PSRC1: variants seen among roughly 807,000 people sequenced by gnomAD.
PSRC1 encodes the protein proline and serine rich coiled-coil 1.
In PSRC1, 30 loss-of-function variants were observed where a neutral mutation model predicts 31.9. The ratio of observed to expected loss-of-function variants is 0.94; its 90% confidence interval spans 0.70 to 1.28. The LOEUF (loss-of-function observed/expected upper bound fraction) is 1.28. Ranked by LOEUF, PSRC1 falls within the 50% of genes most tolerant of loss-of-function variation. The probability of loss-of-function intolerance (pLI) is 0.00; values close to 1 mark genes in which losing one functional copy is unlikely to be tolerated. For missense variants in PSRC1, 481 were observed against 472.8 expected, an observed-to-expected ratio of 1.02 and a Z score of -0.16; for synonymous variants, 191 against 192.1, an observed-to-expected ratio of 0.99 and a Z score of 0.05.
At chr1:109,279,726 G>A (rs1656735702) in exon 7 of PSRC1, 2 of 202,254 alleles carry the variant, frequency 9.9e-6, no homozygotes, top group Non-Finnish European at 2.1e-5. Flanking sequence ...TAGAGAATGC[G>A]ATTCAGGAAG....
At chr1:109,281,826 C>T in exon 4 of PSRC1, 1 of 1,613,950 alleles carries the variant, frequency 6.2e-7, no homozygotes, top group Non-Finnish European at 8.5e-7. Flanking sequence ...CTCGGCGAGG[C>T]CCCAGGCCCT....
At position 109,280,916 on chromosome 1, in the gene PSRC1, C is replaced by T. The variant is rs1441708951; in HGVS notation, c.855G>A (p.Arg285=). ...TGGTGAGTGGCATTCGGCTGGCAGG[C>T]CTGGGGATGGCCGAGGGAATGGGCA... Residue 285 remains arginine (R), a synonymous_variant, in exon 5 of 7, where the codon AGG becomes AGA. Coordinates refer to ENST00000409138, the Ensembl canonical transcript of PSRC1. 1 of 1,614,022 alleles carries T rather than the reference C, an allele frequency of 6.2e-7. No homozygotes were observed. The highest frequency in any genetic ancestry group is 1.7e-5 in the Admixed American group (1 of 60,008).
chr1:109,282,129 G>A, intron 3 of PSRC1, 69 bp from the exon 4 acceptor site: 2 of 1,345,022 alleles, frequency 1.5e-6, no homozygotes, highest in Non-Finnish European at 9.9e-7. Context: ...AAGGGAGACT[G>A]CATAAAAGCC....
chr1:109,280,510 G>A, intron 5 of PSRC1, 21 bp from the exon 7 acceptor site: 1 of 1,592,966 alleles, frequency 6.3e-7, no homozygotes, highest in Non-Finnish European at 8.6e-7. Context: ...GTTAACAAAA[G>A]AAATGAGTTA....
chr1:109,281,079 A>G (rs1453373761), exon 5 of PSRC1: 3 of 1,613,236 alleles, frequency 1.9e-6, no homozygotes, highest in Admixed American at 1.7e-5. Flanking sequence ...TTTCAGGGTC[A>G]ATCCCACAAA....
At chr1:109,282,844 C>G in intron 1 of PSRC1, 108 bp from the exon 2 acceptor site, 1 of 1,037,798 alleles carries the variant, frequency 9.6e-7, no homozygotes, top group Non-Finnish European at 1.4e-6. Flanking sequence ...AAAGCAAGCG[C>G]CCAGGAGTGG....
At chr1:109,282,602 A>C in intron 2 of PSRC1, 27 bp from the exon 3 acceptor site, 1 of 1,612,962 alleles carries the variant, frequency 6.2e-7, no homozygotes, top group Non-Finnish European at 8.5e-7. Context: ...AATGAAAGCC[A>C]GTCATGGGTC....
In PSRC1 at chr1:109,280,894, T is replaced by C. The variant is rs1481641465; in HGVS notation, c.877A>G (p.Thr293Ala). 4 of 1,614,054 alleles carry C rather than the reference T, an allele frequency of 2.5e-6. No homozygotes were observed. In the Admixed American group the frequency reaches 6.7e-5, roughly 27 times the overall value. ...CTGCCAGGTGGCACACTCCGGCTGG[T>C]GAGTGGCATTCGGCTGGCAGGCCTG... Residue 293 changes from threonine (T) to alanine (A), a missense_variant, in exon 5 of 7, where the codon ACC becomes GCC. Transcript: ENST00000409138.
Position 109,282,304 on chromosome 1 carries a change from CCTT to C in PSRC1, c.77+211_77+213del, listed in dbSNP as rs1333488559. On this transcript the variant is annotated intron_variant, in intron 3 of 6. Transcript: ENST00000409138. ...ATGGAGATGCAGCAAATCCACTTAT[CCTT>C]CTTCTTAACACCCTGAAATCTAACT... 1.6e-5 allele frequency: 10 copies of C among 614,830 alleles called. No homozygotes were observed. In the South Asian group the frequency reaches 2.0e-4, roughly 12 times the overall value. The allele number at this position is 614,830 out of a possible 1,614,324, so 38.1% of individuals were successfully genotyped here.
chr1:109,281,678 T>A lies in PSRC1; in HGVS notation c.460A>T (p.Lys154Ter). 1 of 1,613,908 alleles carries A rather than the reference T, an allele frequency of 6.2e-7. No homozygotes were observed. The highest frequency in any genetic ancestry group is 8.5e-7 in the Non-Finnish European group (1 of 1,179,980). Residue 154 changes from lysine to a stop codon, truncating the protein, a stop_gained, in exon 4 of 7, where the codon AAG becomes TAG. Coordinates refer to ENST00000409138, the Ensembl canonical transcript of PSRC1. LOFTEE classifies it high-confidence loss of function. Reference sequence around the variant, plus strand: ...GCCCGGAGAGCCCTGACTGACCCCTTCCTATCATTACTCCGGAGTCGAGGC... The same window carrying A: ...GCCCGGAGAGCCCTGACTGACCCCTACCTATCATTACTCCGGAGTCGAGGC...
At chr1:109,281,838 G>A (rs558602891) in exon 4 of PSRC1, 7 of 1,613,852 alleles carry the variant, frequency 4.3e-6, no homozygotes, top group East Asian at 2.2e-5. Context: ...CCAGGCCCTC[G>A]CCTGCGCTCT....
At chr1:109,282,233 G>A (rs1319333726) in intron 3 of PSRC1, 173 bp from the exon 4 acceptor site, 1 of 636,036 alleles carries the variant, frequency 1.6e-6, no homozygotes, top group South Asian at 2.1e-5. Context: ...GTTCTATGGG[G>A]CCTAATAGGC....
At chr1:109,281,168 C>T (rs768504733) in exon 5 of PSRC1, 13 of 1,613,420 alleles carry the variant, frequency 8.1e-6, no homozygotes, top group Non-Finnish European at 1.1e-5. Context: ...GCCCGGCTCT[C>T]CCCCGGACTG....
In PSRC1 at chr1:109,281,262, AAGAG is replaced by A. The variant is rs552437788; in HGVS notation, c.520-15_520-12del. ...GCAAGTGGGTGACTCCTGAAACACA[AAGAG>A]AGAGAGAAAAAAGACTAGAGTGGAA... On this transcript the variant is annotated splice_polypyrimidine_tract_variant and intron_variant, in intron 4 of 6. Transcript: ENST00000409138. 2.2e-5 allele frequency: 34 copies of A among 1,561,064 alleles called. No individual in the cohort carries two copies. The Admixed American group carries it at 4.1e-4, about 19-fold the overall frequency.
chr1:109,280,464 A>G (rs1656874542), exon 6 of PSRC1: 3 of 1,613,550 alleles, frequency 1.9e-6, no homozygotes, highest in Middle Eastern at 1.7e-4. Flanking sequence ...CCATGACAGG[A>G]AGATTTAGTC....
At chr1:109,281,323 G>A in intron 4 of PSRC1, 72 bp from the exon 5 acceptor site, 1 of 1,321,198 alleles carries the variant, frequency 7.6e-7, no homozygotes. Context: ...AAGGAATTAA[G>A]AAATAGAGGT....
At chr1:109,282,182 T>C (rs1657273331) in intron 3 of PSRC1, 122 bp from the exon 4 acceptor site, 1 of 911,414 alleles carries the variant, frequency 1.1e-6, no homozygotes, top group Non-Finnish European at 1.6e-6. Flanking sequence ...CCGATGCCCA[T>C]GCTGGCTGTG....
exon 4 of PSRC1, chr1:109,281,736 C>A: frequency 6.2e-7 from 1 of 1,614,024 alleles, no homozygotes; most frequent in Non-Finnish European, 8.5e-7. Flanking sequence ...TGCTCCGCGT[C>A]AAAGAGTTCA....
chr1:109,279,833 G>A, exon 7 of PSRC1: 1 of 408,378 alleles, frequency 2.4e-6, no homozygotes, highest in Non-Finnish European at 4.5e-6. Context: ...ATTCTCTGGG[G>A]CTGACCACAA....
Sources: allele counts gnomAD v4.1 joint callset, GRCh38; gene constraint gnomAD v4.1.1; transcripts MANE v1.5; gene names NCBI Gene and HGNC (gene_info 2026-07-23, HGNC 2026-07-21).